BCR: variants seen among roughly 807,000 people sequenced by gnomAD.
BCR encodes the protein breakpoint cluster region protein.
BCR carries 58 observed loss-of-function variants against 138.6 expected under a neutral mutation model. The ratio of observed to expected loss-of-function variants is 0.42; its 90% CI spans 0.34 to 0.52. The LOEUF (loss-of-function observed/expected upper bound fraction) is 0.52, where lower values mean the gene tolerates loss of function less well. Among genes scored for constraint, BCR ranks in the 20% least tolerant of loss-of-function variants. BCR has a pLI of 0.06. For missense variants in BCR, 1,599 were observed against 1,727.2 expected (o/e 0.93, Z 1.32); for synonymous variants, 786 against 730.1 (o/e 1.08, Z -1.23).
At chr22:23,270,004 C>T (rs1265440696) in intron 5 of BCR, among the ~76,000 whole-genome samples, 3 of 152,116 alleles carry the variant, frequency 2.0e-5, no homozygotes, top group South Asian at 2.1e-4. Context: ...CAAACCGACC[C>T]ACCGTGAAAG....
At chr22:23,206,211 A>G (rs766047403) in intron 1 of BCR, among the ~76,000 whole-genome samples, 10 of 152,158 alleles carry the variant, frequency 6.6e-5, no homozygotes, top group Non-Finnish European at 1.0e-4. Context: ...AAGCCAAATG[A>G]TGGGGTAATG....
At chr22:23,223,272 G>C (rs2072848485) in intron 1 of BCR, among the ~76,000 whole-genome samples, 1 of 152,126 alleles carries the variant, frequency 6.6e-6, no homozygotes, top group Non-Finnish European at 1.5e-5. Context: ...AAGGGAATTG[G>C]GGTGTGAGTG....
intron 13 of BCR, chr22:23,290,070 A>G (rs9608100): frequency 0.3 from 164,070 of 550,894 alleles, 27,370 homozygotes; most frequent in African/African-American, 0.52. Context: ...CACATCCCAC[A>G]TCACCCCGAC....
chr22:23,263,055 CG>C, intron 4 of BCR: 1 of 749,442 alleles, frequency 1.3e-6, no homozygotes, highest in Non-Finnish European at 2.0e-6. Context: ...CAGGGCTAGG[CG>C]GCGGGAGGGC....
chr22:23,223,273 G>A (rs761539650), intron 1 of BCR, among the ~76,000 whole-genome samples: 47 of 152,096 alleles, frequency 3.1e-4, no homozygotes, highest in Admixed American at 5.2e-4. Flanking sequence ...AGGGAATTGG[G>A]GTGTGAGTGT....
At chr22:23,307,091 C>T (rs1313173335) in intron 16 of BCR, among the ~76,000 whole-genome samples, 2 of 152,116 alleles carry the variant, frequency 1.3e-5, no homozygotes, top group African/African-American at 4.8e-5. Context: ...TCTGTGTTTC[C>T]AGTTACTTGG....
chr22:23,313,831 G>A (rs2074034822), intron 20 of BCR, 137 bp from the exon 21 acceptor site: 1 of 813,960 alleles, frequency 1.2e-6, no homozygotes, highest in Non-Finnish European at 2.2e-6. Flanking sequence ...CCTCAATGGG[G>A]GCCAGAGCTG....
At position 23,180,588 on chromosome 22, in the gene BCR, C is replaced by T. The variant is rs1403045632; in HGVS notation, c.-373C>T. On this transcript the variant is annotated 5_prime_UTR_variant, in exon 1 of 23. Transcript: ENST00000305877. The stretch of plus-strand genomic sequence containing the variant: ...TCCGAGGAGGCGGCGGCGGCGGCGG[C>T]GGCACGGCGGCGGCGGGGCTGTGGG... 5.7e-5 allele frequency: 2 copies of T among 35,212 alleles called. No homozygotes were observed. Among genetic ancestry groups the T allele is most frequent in the South Asian group, 5.6e-4 (1 of 1,792 alleles). The allele number at this position is 35,212 out of a possible 1,614,324, so 2.2% of individuals were successfully genotyped here.
intron 16 of BCR, among the ~76,000 whole-genome samples, chr22:23,305,393 G>A (rs903511076): frequency 1.3e-5 from 2 of 152,242 alleles, no homozygotes; most frequent in Non-Finnish European, 2.9e-5. Flanking sequence ...TCCTTTGGAA[G>A]GTTTACTCAT....
chr22:23,180,621 G>C lies in BCR; in HGVS notation c.-340G>C, dbSNP rs1261485060. On this transcript the variant is annotated 5_prime_UTR_variant, in exon 1 of 23. Coordinates refer to ENST00000305877, the MANE Select transcript of BCR (RefSeq NM_004327.4). Reference sequence around the variant, plus strand: ...CGGCGGCGGGGCTGTGGGGCGGTGCGGAAGCGAGAGGCGAGGAGCGCGCGG... The same window carrying C: ...CGGCGGCGGGGCTGTGGGGCGGTGCCGAAGCGAGAGGCGAGGAGCGCGCGG... The C allele has an allele frequency of 2.9e-5, 5 of 174,946 alleles. No individual in the cohort carries two copies. Among genetic ancestry groups the C allele is most frequent in the Non-Finnish European group, 4.6e-5 (4 of 87,028 alleles). 10.8% of individuals were successfully genotyped at this position (174,946 alleles called of 1,614,324 possible).
Position 23,207,232 on chromosome 22 carries a change from AGGGGTGCT to A in BCR, c.1279+24997_1279+25004del, listed in dbSNP as rs550702287. Reference sequence around the variant, plus strand: ...GACATATATTAAAAACAGCTGATAAAGGGGTGCTGGGATGGAAGTGAGTACCAACCAGG... The same window carrying A: ...GACATATATTAAAAACAGCTGATAAAGGGATGGAAGTGAGTACCAACCAGG... On this transcript the variant is annotated intron_variant, in intron 1 of 22. Coordinates refer to ENST00000305877, the MANE Select transcript of BCR (RefSeq NM_004327.4). Among the ~76,000 whole-genome samples, 460 of 152,278 alleles carry A rather than the reference AGGGGTGCT, an allele frequency of 3.0e-3. 2 individuals carry two copies. Among genetic ancestry groups the A allele is most frequent in the South Asian group, 0.029 (139 of 4,822 alleles).
At chr22:23,262,710 CGGGCCCG>C in intron 4 of BCR, 5 of 772,776 alleles carry the variant, frequency 6.5e-6, no homozygotes, top group Non-Finnish European at 7.9e-6. Flanking sequence ...CGGGTGAGGG[CGGGCCCG>C]GGTGAGGGCG....
intron 1 of BCR, among the ~76,000 whole-genome samples, chr22:23,182,756 C>T (rs2072288757): frequency 6.6e-6 from 1 of 152,182 alleles, no homozygotes; most frequent in African/African-American, 2.4e-5. Flanking sequence ...TGCTCCTAGG[C>T]CATAGAAGTG....
intron 1 of BCR, chr22:23,251,025 G>A (rs550713107): frequency 1.8e-4 from 28 of 152,308 alleles, no homozygotes; most frequent in Admixed American, 1.5e-3. Context: ...GAGCCCCCTC[G>A]ATGTCCCATG....
intron 16 of BCR, among the ~76,000 whole-genome samples, chr22:23,304,418 C>G (rs992401953): frequency 1.3e-5 from 2 of 152,042 alleles, no homozygotes; most frequent in African/African-American, 4.8e-5. Flanking sequence ...TTGTTTGGTT[C>G]CTTTTTATGA....
intron 8 of BCR, among the ~76,000 whole-genome samples, chr22:23,274,774 G>C (rs1243552068): frequency 6.6e-6 from 1 of 152,038 alleles, no homozygotes; most frequent in Non-Finnish European, 1.5e-5. Flanking sequence ...TGGGCACGGT[G>C]GTGGGTGCCT....
intron 1 of BCR, among the ~76,000 whole-genome samples, chr22:23,203,259 G>C (rs2072576989): frequency 6.6e-6 from 1 of 152,186 alleles, no homozygotes; most frequent in Non-Finnish European, 1.5e-5. Flanking sequence ...TAAGACCCTT[G>C]ATGGCTGCTG....
chr22:23,208,385 A>G (rs1168221161), intron 1 of BCR, among the ~76,000 whole-genome samples: 3 of 151,356 alleles, frequency 2.0e-5, no homozygotes, highest in Admixed American at 1.3e-4. Context: ...ACTGTGGGAG[A>G]TAGTCATTGG....
intron 1 of BCR, among the ~76,000 whole-genome samples, chr22:23,201,171 G>A (rs987767890): frequency 8.5e-5 from 13 of 152,234 alleles, no homozygotes; most frequent in African/African-American, 3.1e-4. Flanking sequence ...TGATTAATGA[G>A]TTTGTTTTTT....
Sources: allele counts gnomAD v4.1 joint callset (sites outside exome capture counted in the v4.1 genomes callset), GRCh38; gene constraint gnomAD v4.1.1; transcripts MANE v1.5; gene names NCBI Gene and HGNC (gene_info 2026-07-23, HGNC 2026-07-21).